NCKAP5: variants seen among roughly 807,000 people sequenced by gnomAD.
NCKAP5 encodes NCK associated protein 5.
In NCKAP5, 92 loss-of-function variants were observed where a neutral mutation model predicts 167.0. The observed-to-expected ratio is 0.55, with a 90% CI of 0.47 to 0.66. The LOEUF is 0.66. Ranked by LOEUF, NCKAP5 falls within the 30% of genes least tolerant of loss-of-function variation. The pLI, the probability that NCKAP5 is intolerant of heterozygous loss-of-function variation, is 0.00. For synonymous variants in NCKAP5, 891 were observed against 877.4 expected (o/e 1.02, Z -0.27); for missense variants, 2,378 against 2,315.0 (o/e 1.03, Z -0.56).
At chr2:133,310,975 G>A (rs1681192215) in intron 3 of NCKAP5, among the ~76,000 whole-genome samples, 1 of 152,198 alleles carries the variant, frequency 6.6e-6, no homozygotes, top group South Asian at 2.1e-4. Context: ...GCTTCTGACA[G>A]CAGATGAATG....
At chr2:133,129,217 G>A (rs1276813982) in intron 6 of NCKAP5, among the ~76,000 whole-genome samples, 1 of 151,732 alleles carries the variant, frequency 6.6e-6, no homozygotes, top group Non-Finnish European at 1.5e-5. Flanking sequence ...TTAGCATTAG[G>A]TATATCTCCC....
At chr2:133,404,040 C>G (rs1363261306) in intron 3 of NCKAP5, among the ~76,000 whole-genome samples, 3 of 152,142 alleles carry the variant, frequency 2.0e-5, no homozygotes, top group African/African-American at 7.2e-5. Context: ...CCTGGGTAGC[C>G]CACACCCTAC....
At chr2:133,331,860 C>T (rs1469039269) in intron 3 of NCKAP5, among the ~76,000 whole-genome samples, 5 of 152,206 alleles carry the variant, frequency 3.3e-5, no homozygotes, top group African/African-American at 1.2e-4. Context: ...CTTTATCTTC[C>T]TGGTCCTTCG....
rs760201900 is a variant in NCKAP5 at position 132,963,915 on chromosome 2, A to C, written c.430-46T>G. 4.4e-6 allele frequency: 7 copies of C among 1,604,432 alleles called. No individual in the cohort carries two copies. The East Asian group carries it at 1.6e-4, about 36-fold the overall frequency. On this transcript the variant is annotated intron_variant, in intron 7 of 19. Coordinates refer to ENST00000409261, the MANE Select transcript of NCKAP5 (RefSeq NM_207363.3). ...TGTTTTCAATAATCTCCAGTGAAAA[A>C]TAAGCATGAGTGTGAGGCTGAAAAG...
intron 6 of NCKAP5, among the ~76,000 whole-genome samples, chr2:133,037,417 C>T (rs1020689239): frequency 6.6e-6 from 1 of 151,982 alleles, no homozygotes; most frequent in Non-Finnish European, 1.5e-5. Flanking sequence ...GTATAGTAAA[C>T]AAAACAACAT....
At chr2:133,650,064 A>G in the NCKAP5 span, among the ~76,000 whole-genome samples, 1 of 152,236 alleles carries the variant, frequency 6.6e-6, no homozygotes, top group Non-Finnish European at 1.5e-5. Flanking sequence ...GTGTTTCAAT[A>G]CACTAACAGC....
chr2:132,677,899 C>T (rs1684704360), intron 19 of NCKAP5, among the ~76,000 whole-genome samples: 1 of 152,134 alleles, frequency 6.6e-6, no homozygotes, highest in African/African-American at 2.4e-5. Context: ...GTCAGCTATA[C>T]TTTCCACGCG....
At chr2:133,058,518 T>C (rs1426302373) in intron 6 of NCKAP5, among the ~76,000 whole-genome samples, 1 of 152,154 alleles carries the variant, frequency 6.6e-6, no homozygotes, top group African/African-American at 2.4e-5. Context: ...AAACCTTCAG[T>C]GGTATAAGTA....
At chr2:132,846,112 G>C (rs550510791) in intron 11 of NCKAP5, among the ~76,000 whole-genome samples, 1 of 152,056 alleles carries the variant, frequency 6.6e-6, no homozygotes, top group Non-Finnish European at 1.5e-5. Context: ...CGGCTCTTGC[G>C]TGTTTTTCTA....
At chr2:133,091,540 A>AT (rs1559130349) in intron 6 of NCKAP5, among the ~76,000 whole-genome samples, 2 of 152,088 alleles carry the variant, frequency 1.3e-5, no homozygotes, top group Non-Finnish European at 2.9e-5. Flanking sequence ...TACTCACATA[A>AT]ATATTTTATG....
At chr2:133,045,565 T>C in intron 6 of NCKAP5, among the ~76,000 whole-genome samples, 1 of 152,196 alleles carries the variant, frequency 6.6e-6, no homozygotes, top group South Asian at 2.1e-4. Context: ...CTTTTATTTA[T>C]AGGGGATGCA....
At chr2:133,535,586 A>G (rs902492059) in intron 2 of NCKAP5, among the ~76,000 whole-genome samples, 2 of 151,486 alleles carry the variant, frequency 1.3e-5, no homozygotes, top group East Asian at 3.9e-4. Context: ...TTGATTCCAT[A>G]TCTTTGCTAC....
At chr2:133,398,809 A>G (rs1687916270) in intron 3 of NCKAP5, among the ~76,000 whole-genome samples, 1 of 152,154 alleles carries the variant, frequency 6.6e-6, no homozygotes, top group African/African-American at 2.4e-5. Flanking sequence ...CAAGCTCAAC[A>G]ACTCCTGAAG....
At chr2:133,545,288 G>T (rs1007460907) in intron 2 of NCKAP5, among the ~76,000 whole-genome samples, 4 of 152,030 alleles carry the variant, frequency 2.6e-5, no homozygotes, top group Non-Finnish European at 5.9e-5. Flanking sequence ...AAGTCAGTGT[G>T]GCAGGAGATG....
At chr2:133,245,723 G>A (rs1409778653) in intron 4 of NCKAP5, among the ~76,000 whole-genome samples, 1 of 152,030 alleles carries the variant, frequency 6.6e-6, no homozygotes, top group East Asian at 1.9e-4. Flanking sequence ...ACAGGAGAAT[G>A]TTAACAGGAA....
chr2:133,278,609 C>A (rs187790254), intron 4 of NCKAP5, among the ~76,000 whole-genome samples: 2 of 152,154 alleles, frequency 1.3e-5, no homozygotes, highest in East Asian at 3.9e-4. Flanking sequence ...AAATTCTAAG[C>A]ATTCTGATAT....
rs191146912 is a variant in NCKAP5 at position 133,448,955 on chromosome 2, T to C, written c.69+68503A>G. Among the ~76,000 whole-genome samples, 18 of 152,356 alleles carry C rather than the reference T, an allele frequency of 1.2e-4. 1 individual carries two copies. The highest frequency in any genetic ancestry group is 8.5e-4 in the Admixed American group (13 of 15,294). Reference sequence around the variant, plus strand: ...TATAAAATAACATAGATAGACAAGATGCTGTGTTTACACAGACATATGCAC... The same window carrying C: ...TATAAAATAACATAGATAGACAAGACGCTGTGTTTACACAGACATATGCAC... On this transcript the variant is annotated intron_variant, in intron 3 of 19. Coordinates refer to ENST00000409261, the MANE Select transcript of NCKAP5 (RefSeq NM_207363.3).
At chr2:133,580,884 G>A in the NCKAP5 span, among the ~76,000 whole-genome samples, 1 of 152,142 alleles carries the variant, frequency 6.6e-6, no homozygotes, top group Non-Finnish European at 1.5e-5. Flanking sequence ...CTCTTTGGAG[G>A]AGAGTTTCGG....
intron 11 of NCKAP5, among the ~76,000 whole-genome samples, chr2:132,826,284 A>C (rs1473372060): frequency 6.6e-6 from 1 of 152,226 alleles, no homozygotes; most frequent in East Asian, 1.9e-4. Context: ...ACTCTATCAC[A>C]AAGGCATAAA....
Sources: gnomAD v4.1 joint callset for allele counts (sites outside exome capture counted in the v4.1 genomes callset) on GRCh38, gnomAD v4.1.1 for gene constraint, MANE v1.5 for transcripts, NCBI Gene and HGNC (gene_info 2026-07-23, HGNC 2026-07-21) for gene names.